Variants in VPS13B observed in about 807,000 individuals in gnomAD.
The protein encoded by VPS13B is vacuolar protein sorting 13 homolog B, also known as intermembrane lipid transfer protein VPS13B.
Under a neutral mutation model 426.4 loss-of-function variants are expected in VPS13B, and 285 were observed. The ratio of observed to expected loss-of-function variants is 0.67; its 90% CI spans 0.61 to 0.74. The LOEUF is 0.74. Among genes scored for constraint, VPS13B ranks in the 30% least tolerant of loss-of-function variants. The pLI, the probability that VPS13B is intolerant of heterozygous loss-of-function variation, is 0.00. For synonymous variants in VPS13B, 1,676 were observed against 1,676.4 expected (o/e 1.00, Z 0.01); for missense variants, 4,537 against 4,782.6 (o/e 0.95, Z 1.51).
chr8:99,811,598 G>A (rs540124742), intron 44 of VPS13B, among the ~76,000 whole-genome samples: 2 of 152,234 alleles, frequency 1.3e-5, no homozygotes, highest in East Asian at 3.9e-4. Context: ...ACTTTCCCAG[G>A]TAGTTCAGCT....
At chr8:99,517,994 C>T (rs1291588330) in intron 29 of VPS13B, among the ~76,000 whole-genome samples, 1 of 151,262 alleles carries the variant, frequency 6.6e-6, no homozygotes, top group Non-Finnish European at 1.5e-5. Flanking sequence ...TTATTTTAAT[C>T]TAGTTTATGA....
At chr8:99,378,601 A>G (rs1813625179) in intron 19 of VPS13B, among the ~76,000 whole-genome samples, 1 of 152,204 alleles carries the variant, frequency 6.6e-6, no homozygotes, top group African/African-American at 2.4e-5. Context: ...GAGAACTAAC[A>G]AATGTCCATG....
At chr8:99,051,812 C>G (rs181028630) in intron 3 of VPS13B, among the ~76,000 whole-genome samples, 6 of 152,176 alleles carry the variant, frequency 3.9e-5, no homozygotes, top group Admixed American at 3.3e-4. Flanking sequence ...GGAGTTCACT[C>G]ATTATTTGTC....
intron 17 of VPS13B, among the ~76,000 whole-genome samples, chr8:99,220,408 G>C (rs1360753697): frequency 6.6e-6 from 1 of 152,072 alleles, no homozygotes; most frequent in Non-Finnish European, 1.5e-5. Context: ...ATTTCACCTA[G>C]ACCCATTTCT....
In VPS13B at chr8:99,492,510, C is replaced by G. The variant is rs533911954; in HGVS notation, c.3871-9177C>G. Among the ~76,000 whole-genome samples, 5 of 152,316 alleles carry G rather than the reference C, an allele frequency of 3.3e-5. No homozygotes were observed. In the South Asian group the frequency reaches 6.2e-4, roughly 19 times the overall value. ...AGAGGCAGTAGGTCTAGCTGAGTTG[C>G]GGTGGGCTCTGCCCAGTTTGAGCTT... On this transcript the variant is annotated intron_variant, in intron 25 of 61. Transcript: ENST00000357162.
intron 15 of VPS13B, among the ~76,000 whole-genome samples, chr8:99,166,529 G>A (rs1812013507): frequency 6.6e-6 from 1 of 152,194 alleles, no homozygotes; most frequent in South Asian, 2.1e-4. Context: ...AACCAAGGAA[G>A]TGAAAGACTT....
At chr8:99,872,142 G>A (rs1218988337) in intron 61 of VPS13B, among the ~76,000 whole-genome samples, 1 of 152,184 alleles carries the variant, frequency 6.6e-6, no homozygotes, top group Non-Finnish European at 1.5e-5. Flanking sequence ...CTAAAGTCAG[G>A]TCCTTGGCTG....
At chr8:99,222,656 G>A (rs1159881909) in intron 17 of VPS13B, among the ~76,000 whole-genome samples, 4 of 152,176 alleles carry the variant, frequency 2.6e-5, no homozygotes, top group Non-Finnish European at 4.4e-5. Context: ...TTCATCGTAT[G>A]ACATTGTATT....
chr8:99,387,943 G>A (rs1814220183), intron 20 of VPS13B, among the ~76,000 whole-genome samples: 1 of 152,172 alleles, frequency 6.6e-6, no homozygotes, highest in Non-Finnish European at 1.5e-5. Flanking sequence ...GGAATACTGT[G>A]TAAGCCTGCT....
intron 27 of VPS13B, among the ~76,000 whole-genome samples, chr8:99,505,812 G>A (rs1286583845): frequency 6.6e-6 from 1 of 152,046 alleles, no homozygotes; most frequent in Non-Finnish European, 1.5e-5. Flanking sequence ...TCTGCACTAT[G>A]CAATAAAGCA....
At chr8:99,204,730 T>A (rs1814582064) in intron 17 of VPS13B, among the ~76,000 whole-genome samples, 2 of 152,168 alleles carry the variant, frequency 1.3e-5, no homozygotes, top group African/African-American at 4.8e-5. Context: ...AAGACATTTA[T>A]GTGGCCAAGA....
chr8:99,775,786 T>C (rs1421297160), intron 40 of VPS13B, among the ~76,000 whole-genome samples: 1 of 152,036 alleles, frequency 6.6e-6, no homozygotes, highest in African/African-American at 2.4e-5. Context: ...TAATCCCAGC[T>C]ACTTGGGAGG....
intron 3 of VPS13B, among the ~76,000 whole-genome samples, chr8:99,094,858 TA>T (rs1365105677): frequency 1.3e-5 from 2 of 152,168 alleles, no homozygotes; most frequent in Non-Finnish European, 2.9e-5. Flanking sequence ...TATTATTGAT[TA>T]ATGAATTCAT....
intron 14 of VPS13B, among the ~76,000 whole-genome samples, chr8:99,149,750 TG>T (rs1439699255): frequency 6.6e-6 from 1 of 151,952 alleles, no homozygotes; most frequent in Non-Finnish European, 1.5e-5. Context: ...AAGAGGTGAA[TG>T]GCAGGTGAGT....
intron 21 of VPS13B, among the ~76,000 whole-genome samples, chr8:99,404,678 C>G (rs1815232501): frequency 6.6e-6 from 1 of 151,978 alleles, no homozygotes; most frequent in Non-Finnish European, 1.5e-5. Context: ...AATACAGTTG[C>G]CAAAAATAAT....
chr8:99,084,713 C>G (rs946873730), intron 3 of VPS13B, among the ~76,000 whole-genome samples: 25 of 152,268 alleles, frequency 1.6e-4, no homozygotes, highest in African/African-American at 5.8e-4. Flanking sequence ...TGTTATGTAG[C>G]CAGTAGTCAT....
At chr8:99,830,283 C>G (rs1459091547) in intron 51 of VPS13B, among the ~76,000 whole-genome samples, 2 of 152,214 alleles carry the variant, frequency 1.3e-5, no homozygotes, top group Non-Finnish European at 2.9e-5. Context: ...GCCTTTCTTT[C>G]AGAGATGCCC....
At chr8:99,870,197 G>A (rs1379088074) in intron 59 of VPS13B, among the ~76,000 whole-genome samples, 2 of 152,072 alleles carry the variant, frequency 1.3e-5, no homozygotes, top group Admixed American at 1.3e-4. Flanking sequence ...TAGACACAGG[G>A]TTTTGCTGTC....
chr8:99,104,926 G>A (rs1846963225), intron 5 of VPS13B, among the ~76,000 whole-genome samples: 2 of 151,982 alleles, frequency 1.3e-5, no homozygotes, highest in Non-Finnish European at 2.9e-5. Flanking sequence ...TGATAGCCCT[G>A]GAATTTCTTG....
Sources: gnomAD v4.1 joint callset for allele counts (sites outside exome capture counted in the v4.1 genomes callset) on GRCh38, gnomAD v4.1.1 for gene constraint, MANE v1.5 for transcripts, NCBI Gene and HGNC (gene_info 2026-07-23, HGNC 2026-07-21) for gene names.